The following KRR1 variants were observed in gnomAD, a reference collection of about 807,000 sequenced individuals.
The protein encoded by KRR1 is KRR1 small subunit processome component homolog.
Under a neutral mutation model 50.0 loss-of-function variants are expected in KRR1, and 23 were observed. The observed-to-expected ratio is 0.46, with a 90% CI of 0.33 to 0.65. The LOEUF (loss-of-function observed/expected upper bound fraction) is 0.65, where lower values mean the gene tolerates loss of function less well. KRR1 is among the 30% of genes least tolerant of loss of function. The probability of loss-of-function intolerance (pLI) is 0.02; values close to 1 mark genes in which losing one functional copy is unlikely to be tolerated. For missense variants in KRR1, 419 were observed against 442.4 expected, an observed-to-expected ratio of 0.95 and a Z score of 0.47; for synonymous variants, 133 against 146.3, an observed-to-expected ratio of 0.91 and a Z score of 0.66.
chr12:75,498,911 T>TAATA lies in KRR1; in HGVS notation c.*894_*897dup, dbSNP rs749611302. 3 of 1,604,700 alleles carry TAATA rather than the reference T, an allele frequency of 1.9e-6. No homozygotes were observed. The highest frequency in any genetic ancestry group is 2.6e-6 in the Non-Finnish European group (3 of 1,171,804). ...TTTCTCATTGTTAATTCAGTAATTC[T>TAATA]AATACTGTCTGTTATAATTACCATT... On this transcript the variant is annotated 3_prime_UTR_variant, in exon 10 of 10. Transcript: ENST00000229214.
chr12:75,507,776 T>C (rs114579250), intron 2 of KRR1, among the ~76,000 whole-genome samples: 1,539 of 152,272 alleles, frequency 0.01, 27 homozygotes, highest in African/African-American at 0.035. Context: ...AGGCTCATTA[T>C]AGCCATTAAA....
At position 75,495,656 on chromosome 12, in the gene KRR1, C is replaced by A. The variant is rs764615725; in HGVS notation, c.*4153G>T. The stretch of plus-strand genomic sequence containing the variant: ...CAATAATGACAAGTGTTTGGACAAT[C>A]TCTGTGGTGAGTAAAAGGAACAATA... On this transcript the variant is annotated 3_prime_UTR_variant, in exon 10 of 10. Transcript: ENST00000229214. 5 of 1,593,014 alleles carry A rather than the reference C, an allele frequency of 3.1e-6. No homozygotes were observed. The Admixed American group carries it at 5.0e-5, about 16-fold the overall frequency.
chr12:75,503,778 C>T (rs1209616336), intron 7 of KRR1, 126 bp downstream of exon 7: 1 of 835,664 alleles, frequency 1.2e-6, no homozygotes, highest in African/African-American at 1.7e-5. Flanking sequence ...TTTCTTATAG[C>T]TCTGCACACA....
At chr12:75,501,554 CTAAATTA>C in intron 9 of KRR1, 162 bp downstream of exon 9, 1 of 583,384 alleles carries the variant, frequency 1.7e-6, no homozygotes. Flanking sequence ...TTAGCTGCCT[CTAAATTA>C]TAAATTATCT....
rs2046366229 is a variant in KRR1, at chr12:75,498,548, GTTTTGAATAATTAAACTTGGA to G, written c.*1240_*1260del. On this transcript the variant is annotated 3_prime_UTR_variant, in exon 10 of 10. Transcript: ENST00000229214. ...CAAGTTAATTCAGTCAGTTCAAAAA[GTTTTGAATAATTAAACTTGGA>G]AAGTCACTGCAATAAAGCCAAAGCA... is the stretch of plus-strand genomic sequence containing the variant. 2 of 626,796 alleles carry G rather than the reference GTTTTGAATAATTAAACTTGGA, an allele frequency of 3.2e-6. No individual in the cohort carries two copies. The highest frequency in any genetic ancestry group is 5.6e-6 in the Non-Finnish European group (2 of 359,300). 38.8% of individuals were successfully genotyped at this position (626,796 alleles called of 1,614,324 possible). A position where few individuals can be genotyped will look rare whatever the true frequency, so the allele number is the denominator to read the frequency against.
In KRR1 at chr12:75,495,552, T is replaced by G. The variant is rs1216191430; in HGVS notation, c.*4257A>C. 1 of 1,377,420 alleles carries G rather than the reference T, an allele frequency of 7.3e-7. No individual in the cohort carries two copies. The highest frequency in any genetic ancestry group is 1.7e-5 in the Admixed American group (1 of 57,826). 85.3% of individuals were successfully genotyped at this position (1,377,420 alleles called of 1,614,324 possible). A position where few individuals can be genotyped will look rare whatever the true frequency, so the allele number is the denominator to read the frequency against. On this transcript the variant is annotated 3_prime_UTR_variant, in exon 10 of 10. Transcript: ENST00000229214. The stretch of plus-strand genomic sequence containing the variant: ...TTTTAAAAAACCGAAAAACTTCTAA[T>G]GGACATCCTTCTTCTGCTTTACAGA...
At chr12:75,510,968 AATT>A (rs1409686268) in intron 1 of KRR1, among the ~76,000 whole-genome samples, 6 of 152,320 alleles carry the variant, frequency 3.9e-5, no homozygotes, top group African/African-American at 1.4e-4. Flanking sequence ...AGGAGTTAAC[AATT>A]AAAAGGTAAC....
At chr12:75,500,175 T>TATTAGTACAAGTATACATAA in intron 9 of KRR1, 1 of 329,724 alleles carries the variant, frequency 3.0e-6, no homozygotes, top group African/African-American at 2.2e-5. Flanking sequence ...ATACTTTATA[T>TATTAGTACAAGTATACATAA]ATTAGTACAA....
rs200527675 is a variant in KRR1, at chr12:75,498,967, C to T, written c.*842G>A. ...ACAGCACAAGTACCCTAATTTAGTT[C>T]TTTTGGACTAATACAATTCAGGAAA... On this transcript the variant is annotated 3_prime_UTR_variant, in exon 10 of 10. Transcript: ENST00000229214. 6.3e-7 allele frequency: 1 copy of T among 1,590,114 alleles called. No homozygotes were observed. The highest frequency in any genetic ancestry group is 1.8e-5 in the Admixed American group (1 of 55,184).
chr12:75,505,874 A>T lies in KRR1; in HGVS notation c.603+442T>A, dbSNP rs1054482293. Among the ~76,000 whole-genome samples the T allele has an allele frequency of 1.1e-4, 16 of 152,270 alleles. No individual in the cohort carries two copies. The East Asian group carries it at 3.1e-3, about 29-fold the overall frequency. On this transcript the variant is annotated intron_variant, in intron 5 of 9. Coordinates refer to ENST00000229214, the MANE Select transcript of KRR1 (RefSeq NM_007043.7). Reference sequence around the variant, plus strand: ...TTCATGAAAAGTTATTAAACATTATACTAAAATTCAAACAAAAGAAACTAC... The same window carrying T: ...TTCATGAAAAGTTATTAAACATTATTCTAAAATTCAAACAAAAGAAACTAC...
At chr12:75,500,328 T>G (rs142918161) in intron 9 of KRR1, 2 of 154,816 alleles carry the variant, frequency 1.3e-5, no homozygotes, top group African/African-American at 4.8e-5. Context: ...GAGTCATTAT[T>G]TTCCATCTTG....
In KRR1 at chr12:75,504,754, C is replaced by A. The variant is rs2120617209; in HGVS notation, c.660+444G>T. On this transcript the variant is annotated intron_variant, in intron 6 of 9. Coordinates refer to ENST00000229214, the MANE Select transcript of KRR1 (RefSeq NM_007043.7). ...TTGTGCACACAGGGATATAACAGTT[C>A]TCTCTCAAAGGAGCTACAATTTGAG... Among the ~76,000 whole-genome samples the A allele has an allele frequency of 2.0e-5, 3 of 152,116 alleles. No individual in the cohort carries two copies. The South Asian group carries it at 6.2e-4, about 32-fold the overall frequency.
In KRR1 at chr12:75,501,892, A is replaced by C. The variant is rs370277894; in HGVS notation, c.909+31T>G. ...AATTCAAGTATCTATGAACTTTGCTATTCATGTGAGCCAGACATAAAGTGC... is the reference window on the plus strand; with the variant it reads ...AATTCAAGTATCTATGAACTTTGCTCTTCATGTGAGCCAGACATAAAGTGC... On this transcript the variant is annotated intron_variant, in intron 8 of 9. Coordinates refer to ENST00000229214, the MANE Select transcript of KRR1 (RefSeq NM_007043.7). The C allele has an allele frequency of 3.1e-6, 5 of 1,599,610 alleles. No individual in the cohort carries two copies. The African/African-American group carries it at 5.4e-5, about 17-fold the overall frequency.
At chr12:75,507,744 CA>C (rs2046429156) in intron 2 of KRR1, among the ~76,000 whole-genome samples, 1 of 151,986 alleles carries the variant, frequency 6.6e-6, no homozygotes, top group Non-Finnish European at 1.5e-5. Context: ...ATACTTTTAC[CA>C]TGTGATATGT....
chr12:75,510,736 G>A (rs758544269), intron 1 of KRR1, among the ~76,000 whole-genome samples: 2 of 152,122 alleles, frequency 1.3e-5, no homozygotes, highest in Non-Finnish European at 1.5e-5. Flanking sequence ...TTTCCCGCAT[G>A]GTTTTATTAA....
chr12:75,500,046 G>T, intron 9 of KRR1, 95 bp from the exon 10 acceptor site: 2 of 908,450 alleles, frequency 2.2e-6, no homozygotes, highest in Non-Finnish European at 3.2e-6. Context: ...GTTTAAGGCA[G>T]TTAACTTCAG....
Position 75,503,823 on chromosome 12 carries a change from T to G in KRR1, c.831+81A>C, listed in dbSNP as rs2046410093. On this transcript the variant is annotated intron_variant, in intron 7 of 9. Coordinates refer to ENST00000229214, the MANE Select transcript of KRR1 (RefSeq NM_007043.7). Reference sequence around the variant, plus strand: ...TATATATATATACACATATCCCACCTGAAATACTTTCAATAAAGTTTCTGA... The same window carrying G: ...TATATATATATACACATATCCCACCGGAAATACTTTCAATAAAGTTTCTGA... The G allele has an allele frequency of 5.6e-6, 7 of 1,260,704 alleles. No individual in the cohort carries two copies. In the South Asian group the frequency reaches 7.3e-5, roughly 13 times the overall value. 78.1% of individuals were successfully genotyped at this position (1,260,704 alleles called of 1,614,324 possible).
chr12:75,500,710 T>TTTTTC (rs2046387738), intron 9 of KRR1: 1 of 151,968 alleles, frequency 6.6e-6, no homozygotes, highest in East Asian at 1.9e-4. Context: ...AGAATGCAAC[T>TTTTTC]TTTTCTTACC....
intron 7 of KRR1, chr12:75,503,450 A>T: frequency 6.6e-6 from 1 of 152,588 alleles, no homozygotes; most frequent in Non-Finnish European, 1.5e-5. Context: ...CAAGAACAAA[A>T]TGGAAACTGG....
Sources: allele counts gnomAD v4.1 joint callset (sites outside exome capture counted in the v4.1 genomes callset), GRCh38; gene constraint gnomAD v4.1.1; transcripts MANE v1.5; gene names NCBI Gene and HGNC (gene_info 2026-07-23, HGNC 2026-07-21).